CMC2: variants seen among roughly 807,000 people sequenced by gnomAD.
The protein encoded by CMC2 is C-X9-C motif containing 2.
A neutral mutation model predicts 7.5 loss-of-function variants in CMC2; 5 were observed. The observed-to-expected ratio is 0.66, with a 90% CI of 0.35 to 1.40. The LOEUF (loss-of-function observed/expected upper bound fraction) is 1.40. Among genes scored for constraint, CMC2 ranks in the 40% most tolerant of loss-of-function variants. The pLI, the probability that CMC2 is intolerant of heterozygous loss-of-function variation, is 0.04. For synonymous variants in CMC2, 37 were observed against 31.4 expected (o/e 1.18, Z -0.60); for missense variants, 115 against 92.3 (o/e 1.25, Z -1.01).
intron 1 of CMC2, among the ~76,000 whole-genome samples, chr16:81,006,234 TG>T (rs1969318004): frequency 1.1e-5 from 1 of 87,752 alleles, no homozygotes; most frequent in Non-Finnish European, 3.2e-5. Context: ...AGTGTACTGA[TG>T]GGGCTCTTGG....
At position 80,967,908 on chromosome 16, in the gene CMC2, G is replaced by A. The variant is rs559160691; in HGVS notation, c.*8185C>T. 16 of 152,136 alleles carry A rather than the reference G, an allele frequency of 1.1e-4. No individual in the cohort carries two copies. Among genetic ancestry groups the A allele is most frequent in the African/African-American group, 2.7e-4 (11 of 41,494 alleles). 9.4% of individuals were successfully genotyped at this position (152,136 alleles called of 1,614,324 possible). ...TTCAATGACAACATACCATATTAAC[G>A]CTTCCTATTTTTTTTTCAAATCACA... On this transcript the variant is annotated 3_prime_UTR_variant, in exon 4 of 4. Coordinates refer to ENST00000219400, the MANE Select transcript of CMC2 (RefSeq NM_020188.5).
In CMC2 at chr16:80,976,082, G is replaced by C; in HGVS notation, c.*11C>G. ...TCTTCTCTCAGCCAAGGCATCGAGT[G>C]AAAATACAATTTATTTTTCGGATTC... On this transcript the variant is annotated 3_prime_UTR_variant, in exon 4 of 4. Coordinates refer to ENST00000219400, the MANE Select transcript of CMC2 (RefSeq NM_020188.5). 2.0e-6 allele frequency: 3 copies of C among 1,520,868 alleles called. No individual in the cohort carries two copies. Among genetic ancestry groups the C allele is most frequent in the Non-Finnish European group, 9.1e-7 (1 of 1,095,894 alleles). 94.2% of individuals were successfully genotyped at this position (1,520,868 alleles called of 1,614,324 possible).
chr16:80,996,767 C>T (rs1428006497), intron 2 of CMC2, among the ~76,000 whole-genome samples: 2 of 152,200 alleles, frequency 1.3e-5, no homozygotes, highest in East Asian at 1.9e-4. Flanking sequence ...ATAAAAATGT[C>T]AGCTTGATTT....
intron 1 of CMC2, among the ~76,000 whole-genome samples, chr16:81,002,817 A>G (rs78499427): frequency 0.015 from 2,243 of 152,304 alleles, 47 homozygotes; most frequent in African/African-American, 0.05. Context: ...ATAATTGTAT[A>G]TATTTATAAG....
chr16:80,988,572 A>C (rs1327278402), intron 2 of CMC2: 1 of 699,808 alleles, frequency 1.4e-6, no homozygotes, highest in Non-Finnish European at 2.6e-6. Context: ...TGAACCGAGT[A>C]AGTTGCAGAT....
At chr16:81,002,214 C>T (rs1374948401) in intron 1 of CMC2, among the ~76,000 whole-genome samples, 1 of 152,096 alleles carries the variant, frequency 6.6e-6, no homozygotes, top group African/African-American at 2.4e-5. Flanking sequence ...CACCTGAAGT[C>T]AAGAGTTCAA....
rs1372851118 is a variant in CMC2, at chr16:80,967,886, A to G, written c.*8207T>C. The G allele has an allele frequency of 2.0e-5, 3 of 152,214 alleles. No individual in the cohort carries two copies. The highest frequency in any genetic ancestry group is 4.4e-5 in the Non-Finnish European group (3 of 68,024). The allele number at this position is 152,214 out of a possible 1,614,324, so 9.4% of individuals were successfully genotyped here. ...CCCTTAAGATTTTGCTGTCATATTC[A>G]ATGACAACATACCATATTAACGCTT... On this transcript the variant is annotated 3_prime_UTR_variant, in exon 4 of 4. Coordinates refer to ENST00000219400, the MANE Select transcript of CMC2 (RefSeq NM_020188.5).
In CMC2 at chr16:80,966,611, T is replaced by G. The variant is rs1317391424; in HGVS notation, c.*9482A>C. ...TTTCAAAACAATATTATTTTTATTA[T>G]AAAGTTTTACTTTTTTTGCAGTTCT... On this transcript the variant is annotated 3_prime_UTR_variant, in exon 4 of 4. Coordinates refer to ENST00000219400, the MANE Select transcript of CMC2 (RefSeq NM_020188.5). The G allele has an allele frequency of 6.6e-6, 1 of 152,220 alleles. No homozygotes were observed. The highest frequency in any genetic ancestry group is 1.9e-4 in the East Asian group (1 of 5,208). 9.4% of individuals were successfully genotyped at this position (152,220 alleles called of 1,614,324 possible).
At chr16:81,004,277 C>T (rs1473208064) in intron 1 of CMC2, among the ~76,000 whole-genome samples, 1 of 152,150 alleles carries the variant, frequency 6.6e-6, no homozygotes. Flanking sequence ...GTGAAAGGAA[C>T]ATAAGACCTC....
At position 80,969,239 on chromosome 16, in the gene CMC2, G is replaced by A. The variant is rs1319361464; in HGVS notation, c.*6854C>T. On this transcript the variant is annotated 3_prime_UTR_variant, in exon 4 of 4. Transcript: ENST00000219400. ...CTCATATCCCAAAATACAAATGAGT[G>A]AGGTGAGGACAGAGCATCAAGAGCC... The A allele has an allele frequency of 1.3e-5, 2 of 152,240 alleles. No homozygotes were observed. The highest frequency in any genetic ancestry group is 2.9e-5 in the Non-Finnish European group (2 of 68,068). 9.4% of individuals were successfully genotyped at this position (152,240 alleles called of 1,614,324 possible).
intron 2 of CMC2, chr16:80,991,642 A>G (rs80009852): frequency 6.5e-6 from 1 of 153,846 alleles, no homozygotes; most frequent in African/African-American, 2.6e-5. Flanking sequence ...CCTGTCTCCA[A>G]AAAAAAAAAA....
In CMC2 at chr16:80,973,971, G is replaced by T. The variant is rs1196133667; in HGVS notation, c.*2122C>A. The T allele has an allele frequency of 6.6e-6, 1 of 152,028 alleles. No individual in the cohort carries two copies. The highest frequency in any genetic ancestry group is 2.4e-5 in the African/African-American group (1 of 41,364). 9.4% of individuals were successfully genotyped at this position (152,028 alleles called of 1,614,324 possible). Reference sequence around the variant, plus strand: ...GTCAGCTACTGACATTGGCCTACAGGGCCTTAGCTGGCATCTGCATGCTGA... The same window carrying T: ...GTCAGCTACTGACATTGGCCTACAGTGCCTTAGCTGGCATCTGCATGCTGA... On this transcript the variant is annotated 3_prime_UTR_variant, in exon 4 of 4. Transcript: ENST00000219400.
intron 2 of CMC2, among the ~76,000 whole-genome samples, chr16:80,989,725 T>C (rs1249491516): frequency 3.3e-5 from 5 of 152,230 alleles, no homozygotes; most frequent in African/African-American, 1.2e-4. Flanking sequence ...TTATATATAT[T>C]GAAAACCATG....
At chr16:80,993,958 A>G (rs1968211012) in intron 2 of CMC2, among the ~76,000 whole-genome samples, 1 of 152,244 alleles carries the variant, frequency 6.6e-6, no homozygotes, top group South Asian at 2.1e-4. Flanking sequence ...CTACAAGGCA[A>G]CAGTAATTAA....
intron 3 of CMC2, chr16:80,980,843 C>T: frequency 2.9e-6 from 2 of 700,184 alleles, no homozygotes; most frequent in Admixed American, 4.0e-5. Flanking sequence ...GTTACGATCA[C>T]CCTACTGCAC....
intron 1 of CMC2, chr16:80,998,575 A>G (rs1357776862): frequency 6.6e-6 from 1 of 152,152 alleles, no homozygotes; most frequent in Non-Finnish European, 1.5e-5. Flanking sequence ...ATATTTGAAC[A>G]CCCATGTTCA....
chr16:80,991,877 C>A, intron 2 of CMC2: 1 of 451,202 alleles, frequency 2.2e-6, no homozygotes, highest in Non-Finnish European at 4.4e-6. Flanking sequence ...TTCGGGTCAT[C>A]AAAAACAAAG....
At chr16:81,000,550 C>G (rs1968790554) in intron 1 of CMC2, among the ~76,000 whole-genome samples, 1 of 152,228 alleles carries the variant, frequency 6.6e-6, no homozygotes, top group African/African-American at 2.4e-5. Flanking sequence ...AAGACATCAA[C>G]AGCCACTTCT....
At chr16:80,996,164 C>A (rs992445483) in intron 2 of CMC2, among the ~76,000 whole-genome samples, 135 of 152,204 alleles carry the variant, frequency 8.9e-4, no homozygotes, top group African/African-American at 3.1e-3. Flanking sequence ...AAATATGATG[C>A]GATAATATCC....
Sources: allele counts gnomAD v4.1 joint callset (sites outside exome capture counted in the v4.1 genomes callset), GRCh38; gene constraint gnomAD v4.1.1; transcripts MANE v1.5; gene names NCBI Gene and HGNC (gene_info 2026-07-23, HGNC 2026-07-21).